The following IGSF3 variants were observed in gnomAD, a reference collection of about 807,000 sequenced individuals.
IGSF3 encodes the protein immunoglobulin superfamily member 3.
A neutral mutation model predicts 114.4 loss-of-function variants in IGSF3; 23 were observed. The observed-to-expected ratio is 0.20, with a 90% confidence interval of 0.14 to 0.28. The LOEUF (loss-of-function observed/expected upper bound fraction) is 0.28. Ranked by LOEUF, IGSF3 falls within the 10% of genes least tolerant of loss-of-function variation. The pLI, the probability that IGSF3 is intolerant of heterozygous loss-of-function variation, is 1.00. For synonymous variants in IGSF3, 571 were observed against 645.2 expected, an observed-to-expected ratio of 0.88 and a Z score of 1.74; for missense variants, 1,172 against 1,591.5, an observed-to-expected ratio of 0.74 and a Z score of 4.48.
In IGSF3 at chr1:116,648,937, G is replaced by C. The variant is rs1378773279; in HGVS notation, c.43+17347C>G. On this transcript the variant is annotated intron_variant, in intron 2 of 10. Transcript: ENST00000369486. The surrounding 1 kb of genome is among the most constrained non-coding windows in gnomAD (Gnocchi z 4.7). ...GTAAACCTGCCCCCAGAAACACTGAGAGTCCTAGAGGTAGAATGAGTCAGC... is the reference window on the plus strand; with the variant it reads ...GTAAACCTGCCCCCAGAAACACTGACAGTCCTAGAGGTAGAATGAGTCAGC... 6.6e-6 allele frequency among the ~76,000 whole-genome samples: 1 copy of C among 152,148 alleles called. No homozygotes were observed. Among genetic ancestry groups the C allele is most frequent in the Non-Finnish European group, 1.5e-5 (1 of 68,034 alleles).
chr1:116,596,356 A>G lies in IGSF3; in HGVS notation c.2029+3585T>C, dbSNP rs1468293849. Among the ~76,000 whole-genome samples the G allele has an allele frequency of 6.6e-6, 1 of 152,198 alleles. No individual in the cohort carries two copies. The highest frequency in any genetic ancestry group is 1.9e-4 in the East Asian group (1 of 5,194). ...TGGAAGACACCAGAGCAGGGCTAAG[A>G]ATCTATGTTTTGAGGGGCAAGGTAC... On this transcript the variant is annotated intron_variant, in intron 7 of 10. Coordinates refer to ENST00000369486, the MANE Select transcript of IGSF3 (RefSeq NM_001007237.3). The surrounding 1 kb of genome is among the most constrained non-coding windows in gnomAD (Gnocchi z 4.1).
At chr1:116,667,294 C>T (rs576227035) in intron 1 of IGSF3, among the ~76,000 whole-genome samples, 9 of 152,332 alleles carry the variant, frequency 5.9e-5, no homozygotes, top group Non-Finnish European at 1.2e-4. Context: ...CCGCGACTCC[C>T]GGCCCCCGCC....
intron 2 of IGSF3, among the ~76,000 whole-genome samples, chr1:116,640,024 C>T (rs1359904311): frequency 8.0e-6 from 1 of 125,768 alleles, no homozygotes; most frequent in Non-Finnish European, 1.6e-5. Context: ...TGAGCAACAG[C>T]GTGACTCTAT....
rs576658823 is a variant in IGSF3, at chr1:116,579,663, G to GTCC, written c.3062_3063insGGA (p.Asp1020_Asp1021insGlu). ...GCTCTGTTGGGTCGTCGTCGTCGTC[G>GTCC]TCGTCCTCCTCCTCCTCCTCCTCCC... is the stretch of plus-strand genomic sequence containing the variant. On this transcript the variant is annotated inframe_insertion, in exon 10 of 11. Coordinates refer to ENST00000369486, the MANE Select transcript of IGSF3 (RefSeq NM_001007237.3). This position sits in a 1 kb window ranked among gnomAD's most constrained non-coding sequence, Gnocchi z 6.4. 439,554 of 1,444,340 alleles carry GTCC rather than the reference G, an allele frequency of 0.3. 47,151 individuals are homozygous for GTCC. Among genetic ancestry groups the GTCC allele is most frequent in the Non-Finnish European group, 0.32 (335,937 of 1,034,610 alleles). The allele number at this position is 1,444,340 out of a possible 1,614,324, so 89.5% of individuals were successfully genotyped here. A position where few individuals can be genotyped will look rare whatever the true frequency, so the allele number is the denominator to read the frequency against.
intron 2 of IGSF3, chr1:116,646,870 A>T (rs1648400657): frequency 6.6e-6 from 1 of 152,180 alleles, no homozygotes; most frequent in Non-Finnish European, 1.5e-5. Flanking sequence ...GCAATCACTC[A>T]CTTTCCCCAG....
rs1553210064 is a variant in IGSF3 at position 116,584,838 on chromosome 1, G to A, written c.2655C>T (p.Asn885=). The change falls in exon 9 of 11, where the codon AAC becomes AAT. Residue 885 remains asparagine, a synonymous_variant. Coordinates refer to ENST00000369486, the MANE Select transcript of IGSF3 (RefSeq NM_001007237.3). The surrounding 1 kb of genome is among the most constrained non-coding windows in gnomAD (Gnocchi z 5.8). ...TFHYGEQAAK[N]NLKGRLHLES... ...CCAAATGCAGCCGCCCCTTCAGATT[G>A]TTCTTGGCTGCCTGCTCTCCATAGT... 2 of 1,614,268 alleles carry A rather than the reference G, an allele frequency of 1.2e-6. No individual in the cohort carries two copies. The highest frequency in any genetic ancestry group is 8.5e-7 in the Non-Finnish European group (1 of 1,180,048).
chr1:116,663,219 C>A (rs1187785588), intron 2 of IGSF3, among the ~76,000 whole-genome samples: 1 of 152,120 alleles, frequency 6.6e-6, no homozygotes, highest in African/African-American at 2.4e-5. Context: ...TTCATCTTTC[C>A]TGAGAATTTC....
At chr1:116,611,359 G>C (rs903770009) in intron 4 of IGSF3, among the ~76,000 whole-genome samples, 1 of 152,174 alleles carries the variant, frequency 6.6e-6, no homozygotes, top group Non-Finnish European at 1.5e-5. Context: ...CCAGGCCCTC[G>C]CATGCCTTCT....
At position 116,642,246 on chromosome 1, in the gene IGSF3, A is replaced by C. The variant is rs368678555; in HGVS notation, c.43+24038T>G. Among the ~76,000 whole-genome samples the C allele has an allele frequency of 2.0e-5, 3 of 152,216 alleles. No homozygotes were observed. The highest frequency in any genetic ancestry group is 1.3e-4 in the Admixed American group (2 of 15,290). On this transcript the variant is annotated intron_variant, in intron 2 of 10. Transcript: ENST00000369486. This position sits in a 1 kb window ranked among gnomAD's most constrained non-coding sequence, Gnocchi z 5.4. ...GGATTACCTCTTATTAGAAAAAAAAACACGAAATTTTTTGGTAAAAGAATT... is the reference window on the plus strand; with the variant it reads ...GGATTACCTCTTATTAGAAAAAAAACCACGAAATTTTTTGGTAAAAGAATT...
intron 2 of IGSF3, among the ~76,000 whole-genome samples, chr1:116,621,737 G>GGAATT (rs1415428597): frequency 6.6e-6 from 1 of 151,978 alleles, no homozygotes; most frequent in East Asian, 1.9e-4. Flanking sequence ...GATTCTCAAA[G>GGAATT]GAATTCAAGA....
chr1:116,580,013 G>A lies in IGSF3; in HGVS notation c.2849-136C>T, dbSNP rs1659534000. The A allele has an allele frequency of 7.3e-6, 6 of 820,858 alleles. 1 individual carries two copies. The highest frequency in any genetic ancestry group is 5.6e-5 in the South Asian group (3 of 53,384). 50.8% of individuals were successfully genotyped at this position (820,858 alleles called of 1,614,324 possible). On this transcript the variant is annotated intron_variant, in intron 9 of 10. Coordinates refer to ENST00000369486, the MANE Select transcript of IGSF3 (RefSeq NM_001007237.3). Reference sequence around the variant, plus strand: ...ATTATGCACCTATTGAAAAGGCATAGGCAGTGCTACAGGTGGAAGTTGATC... The same window carrying A: ...ATTATGCACCTATTGAAAAGGCATAAGCAGTGCTACAGGTGGAAGTTGATC...
At chr1:116,646,188 G>C (rs1648362145) in intron 2 of IGSF3, among the ~76,000 whole-genome samples, 1 of 152,210 alleles carries the variant, frequency 6.6e-6, no homozygotes, top group Non-Finnish European at 1.5e-5. Flanking sequence ...ACTGTGATTT[G>C]TTTCTGCACC....
rs1647957914 is a variant in IGSF3, at chr1:116,638,970, T to C, written c.44-22513A>G. Among the ~76,000 whole-genome samples, 1 of 152,000 alleles carries C rather than the reference T, an allele frequency of 6.6e-6. No individual in the cohort carries two copies. Among genetic ancestry groups the C allele is most frequent in the Admixed American group, 6.5e-5 (1 of 15,278 alleles). ...CACTGCCCAGGAAAAAAGTCACAGGTAGGAAGACAAGCATAGAATTAAGAA... is the reference window on the plus strand; with the variant it reads ...CACTGCCCAGGAAAAAAGTCACAGGCAGGAAGACAAGCATAGAATTAAGAA... On this transcript the variant is annotated intron_variant, in intron 2 of 10. Coordinates refer to ENST00000369486, the MANE Select transcript of IGSF3 (RefSeq NM_001007237.3). This position sits in a 1 kb window ranked among gnomAD's most constrained non-coding sequence, Gnocchi z 4.1.
At chr1:116,617,770 C>G (rs1042451005) in intron 2 of IGSF3, among the ~76,000 whole-genome samples, 1 of 152,214 alleles carries the variant, frequency 6.6e-6, no homozygotes, top group African/African-American at 2.4e-5. Context: ...GAGCTGCTGG[C>G]TAAGACATAT....
intron 2 of IGSF3, among the ~76,000 whole-genome samples, chr1:116,656,463 G>A (rs1351855476): frequency 1.3e-5 from 2 of 151,700 alleles, no homozygotes; most frequent in Non-Finnish European, 2.9e-5. Context: ...ACCACACCCA[G>A]CTAATTTTTT....
intron 2 of IGSF3, among the ~76,000 whole-genome samples, chr1:116,619,795 A>C (rs1375632416): frequency 2.6e-5 from 4 of 152,018 alleles, no homozygotes; most frequent in Non-Finnish European, 5.9e-5. Flanking sequence ...AACTTTTTTA[A>C]CTTTAGACAT....
rs1481591961 is a variant in IGSF3 at position 116,607,604 on chromosome 1, A to T, written c.1222+338T>A. Among the ~76,000 whole-genome samples the T allele has an allele frequency of 6.6e-6, 1 of 152,236 alleles. No individual in the cohort carries two copies. The highest frequency in any genetic ancestry group is 6.5e-5 in the Admixed American group (1 of 15,286). ...TGGGACTTGATTCCCACACAAGAGCAAACAGCTTTCTGGGATTCCTGGTTT... is the reference window on the plus strand; with the variant it reads ...TGGGACTTGATTCCCACACAAGAGCTAACAGCTTTCTGGGATTCCTGGTTT... On this transcript the variant is annotated intron_variant, in intron 5 of 10. Transcript: ENST00000369486. The surrounding 1 kb of genome is among the most constrained non-coding windows in gnomAD (Gnocchi z 6.1).
At chr1:116,667,016 G>A in intron 1 of IGSF3, 60 bp from the exon 2 acceptor site, 1 of 397,134 alleles carries the variant, frequency 2.5e-6, no homozygotes, top group Middle Eastern at 6.3e-4. Context: ...CACTGGGGCT[G>A]AGCGCTGAGC....
At position 116,642,908 on chromosome 1, in the gene IGSF3, C is replaced by T. The variant is rs1186176257; in HGVS notation, c.43+23376G>A. On this transcript the variant is annotated intron_variant, in intron 2 of 10. Coordinates refer to ENST00000369486, the MANE Select transcript of IGSF3 (RefSeq NM_001007237.3). This position sits in a 1 kb window ranked among gnomAD's most constrained non-coding sequence, Gnocchi z 5.4. ...TGCAGATTGTTGCCTGAAAATATTT[C>T]ACCACCTGGAACCTCCCTGTCCCAC... Among the ~76,000 whole-genome samples, 1 of 152,182 alleles carries T rather than the reference C, an allele frequency of 6.6e-6. No homozygotes were observed. Among genetic ancestry groups the T allele is most frequent in the African/African-American group, 2.4e-5 (1 of 41,430 alleles).
Sources: allele counts gnomAD v4.1 joint callset (sites outside exome capture counted in the v4.1 genomes callset), GRCh38; gene constraint gnomAD v4.1.1; non-coding constraint Gnocchi (gnomAD v3.1); transcripts MANE v1.5; gene names NCBI Gene and HGNC (gene_info 2026-07-23, HGNC 2026-07-21).